ADGRB3: variants seen among roughly 807,000 people sequenced by gnomAD.
The protein encoded by ADGRB3 is adhesion G protein-coupled receptor B3, also known as brain-specific angiogenesis inhibitor 3.
Under a neutral mutation model 193.4 loss-of-function variants are expected in ADGRB3, and 37 were observed. The observed-to-expected ratio is 0.19, with a 90% CI of 0.15 to 0.25. The LOEUF (loss-of-function observed/expected upper bound fraction) is 0.25, where lower values mean the gene tolerates loss of function less well. Among genes scored for constraint, ADGRB3 ranks in the 10% least tolerant of loss-of-function variants. The pLI, the probability that ADGRB3 is intolerant of heterozygous loss-of-function variation, is 1.00. For synonymous variants in ADGRB3, 690 were observed against 644.2 expected, an observed-to-expected ratio of 1.07 and a Z score of -1.08; for missense variants, 1,637 against 1,852.9, an observed-to-expected ratio of 0.88 and a Z score of 2.14.
intron 17 of ADGRB3, among the ~76,000 whole-genome samples, chr6:69,202,124 T>C (rs957019922): frequency 6.6e-6 from 1 of 152,156 alleles, no homozygotes; most frequent in Non-Finnish European, 1.5e-5. Context: ...CTTGAAGATA[T>C]ATTGTTTTTG....
chr6:68,973,030 C>T (rs1298294998), intron 8 of ADGRB3, among the ~76,000 whole-genome samples: 3 of 151,988 alleles, frequency 2.0e-5, no homozygotes, highest in Admixed American at 1.3e-4. Context: ...AACCCTCCAC[C>T]AAGCAAAGAG....
chr6:68,822,463 A>T (rs1271075338), intron 3 of ADGRB3, among the ~76,000 whole-genome samples: 3 of 151,864 alleles, frequency 2.0e-5, no homozygotes, highest in Admixed American at 1.3e-4. Context: ...TGAAATACCT[A>T]TTATTTTATA....
chr6:69,336,707 T>G (rs551779999), intron 24 of ADGRB3, among the ~76,000 whole-genome samples: 2 of 151,946 alleles, frequency 1.3e-5, no homozygotes, highest in South Asian at 2.1e-4. Flanking sequence ...CAACTCAAGG[T>G]TTTTTTTACT....
intron 3 of ADGRB3, among the ~76,000 whole-genome samples, chr6:68,918,137 G>A (rs1766933421): frequency 6.6e-6 from 1 of 152,098 alleles, no homozygotes; most frequent in Admixed American, 6.5e-5. Flanking sequence ...CTTCAGAGAA[G>A]CAAAATTGTA....
chr6:69,040,345 C>CTTTCTTTCTTTCT (rs1771001321), intron 13 of ADGRB3, among the ~76,000 whole-genome samples: 1 of 51,976 alleles, frequency 1.9e-5, no homozygotes, highest in Admixed American at 2.8e-4. Flanking sequence ...TTCTTTCTTT[C>CTTTCTTTCTTTCT]TTTCTTTCTT....
chr6:68,886,660 TA>T (rs1027947049), intron 3 of ADGRB3, among the ~76,000 whole-genome samples: 10 of 152,124 alleles, frequency 6.6e-5, no homozygotes, highest in African/African-American at 2.4e-4. Context: ...TTCAGAAAAC[TA>T]AAGAGCAAAA....
intron 20 of ADGRB3, among the ~76,000 whole-genome samples, chr6:69,310,642 G>A (rs1768169770): frequency 6.6e-6 from 1 of 151,612 alleles, no homozygotes; most frequent in Admixed American, 6.6e-5. Flanking sequence ...TCTAAACACA[G>A]GTGTATGCCA....
At chr6:69,289,582 CCA>C (rs1767622709) in intron 20 of ADGRB3, among the ~76,000 whole-genome samples, 2 of 152,120 alleles carry the variant, frequency 1.3e-5, no homozygotes, top group Admixed American at 1.3e-4. Flanking sequence ...TATGCCTCAT[CCA>C]CACCTGCATG....
At chr6:69,086,908 A>G (rs1280016947) in intron 17 of ADGRB3, among the ~76,000 whole-genome samples, 2 of 152,120 alleles carry the variant, frequency 1.3e-5, no homozygotes, top group Non-Finnish European at 2.9e-5. Flanking sequence ...TTTTCACGCC[A>G]GGAATTGCTG....
intron 3 of ADGRB3, among the ~76,000 whole-genome samples, chr6:68,752,838 T>C: frequency 6.6e-6 from 1 of 152,156 alleles, no homozygotes; most frequent in East Asian, 1.9e-4. Context: ...TATACACTTG[T>C]GAGATATTTC....
chr6:69,075,859 A>G, intron 16 of ADGRB3, 136 bp from the exon 17 acceptor site: 1 of 664,750 alleles, frequency 1.5e-6, no homozygotes, highest in African/African-American at 1.9e-5. Context: ...TCTTATAAAT[A>G]ATTAAAAAGA....
intron 8 of ADGRB3, among the ~76,000 whole-genome samples, chr6:68,974,358 A>G (rs968899403): frequency 6.6e-6 from 1 of 152,212 alleles, no homozygotes; most frequent in African/African-American, 2.4e-5. Flanking sequence ...AACAATATAC[A>G]TTAAAGCAAA....
rs1427668280 is a variant in ADGRB3 at position 69,362,263 on chromosome 6, A to G, written c.4239+751A>G. On this transcript the variant is annotated intron_variant, in intron 29 of 31. Coordinates refer to ENST00000370598, the MANE Select transcript of ADGRB3 (RefSeq NM_001704.3). ...AAATAGCTGTAAACCTGTGGTTGAC[A>G]TATATATTCATATACGATGCAATAC... Among the ~76,000 whole-genome samples the G allele has an allele frequency of 2.0e-5, 3 of 151,998 alleles. 1 individual carries two copies. Among genetic ancestry groups the G allele is most frequent in the Non-Finnish European group, 4.4e-5 (3 of 67,932 alleles).
chr6:69,090,445 G>C (rs966687932), intron 17 of ADGRB3, among the ~76,000 whole-genome samples: 3 of 152,154 alleles, frequency 2.0e-5, no homozygotes, highest in African/African-American at 7.2e-5. Context: ...AATTTTCCCA[G>C]ACTAATCAAA....
chr6:69,128,502 C>A (rs1482327), intron 17 of ADGRB3, among the ~76,000 whole-genome samples: 116,100 of 151,966 alleles, frequency 0.76, 45,800 homozygotes, highest in East Asian at 1. Flanking sequence ...GTAATCATAG[C>A]CTTTCTACTG....
chr6:68,954,425 A>G (rs62418276), intron 6 of ADGRB3, among the ~76,000 whole-genome samples: 14,686 of 152,148 alleles, frequency 0.097, 915 homozygotes, highest in Non-Finnish European at 0.14. Context: ...TGAACAGTCT[A>G]TATTACATTC....
intron 17 of ADGRB3, among the ~76,000 whole-genome samples, chr6:69,148,272 T>C (rs1582499108): frequency 1.3e-5 from 2 of 152,282 alleles, no homozygotes; most frequent in East Asian, 3.9e-4. Flanking sequence ...TAAAATGTAT[T>C]ACTTTTTATT....
intron 3 of ADGRB3, among the ~76,000 whole-genome samples, chr6:68,695,354 T>TA (rs1765139593): frequency 6.6e-6 from 1 of 151,988 alleles, no homozygotes; most frequent in African/African-American, 2.4e-5. Context: ...CAAATTGCCT[T>TA]AAAAAAATTG....
intron 3 of ADGRB3, among the ~76,000 whole-genome samples, chr6:68,852,872 A>G (rs1768434732): frequency 6.6e-6 from 1 of 152,000 alleles, no homozygotes; most frequent in Non-Finnish European, 1.5e-5. Context: ...AGTAGAAAAT[A>G]TTGGCTCTGA....
Sources: gnomAD v4.1 joint callset for allele counts (sites outside exome capture counted in the v4.1 genomes callset) on GRCh38, gnomAD v4.1.1 for gene constraint, MANE v1.5 for transcripts, NCBI Gene and HGNC (gene_info 2026-07-23, HGNC 2026-07-21) for gene names.